TNRC6C: variants seen among roughly 807,000 people sequenced by gnomAD.
The protein encoded by TNRC6C is trinucleotide repeat containing adaptor 6C, also known as trinucleotide repeat-containing gene 6C protein.
TNRC6C carries 20 observed loss-of-function variants against 153.7 expected under a neutral mutation model. The observed-to-expected ratio is 0.13, with a 90% CI of 0.09 to 0.19. TNRC6C has a LOEUF of 0.19. TNRC6C is among the 10% of genes least tolerant of loss of function. The probability of loss-of-function intolerance (pLI) is 1.00; values close to 1 mark genes in which losing one functional copy is unlikely to be tolerated. For missense variants in TNRC6C, 1,987 were observed against 2,172.0 expected (o/e 0.91, Z 1.69); for synonymous variants, 811 against 841.4 (o/e 0.96, Z 0.63).
intron 2 of TNRC6C, 42 bp downstream of exon 4, chr17:78,031,884 CTT>C (rs2072082409): frequency 8.1e-7 from 1 of 1,231,418 alleles, no homozygotes; most frequent in Non-Finnish European, 1.0e-6. Flanking sequence ...GATCTGAAAA[CTT>C]TGCTATTTTC....
intron 5 of TNRC6C, among the ~76,000 whole-genome samples, chr17:78,068,155 G>C (rs1371895666): frequency 6.6e-6 from 1 of 152,194 alleles, no homozygotes; most frequent in South Asian, 2.1e-4. Context: ...TAGGGTAGAG[G>C]TGTCCAGAGA....
At chr17:78,054,417 C>T (rs1598738558) in intron 3 of TNRC6C, among the ~76,000 whole-genome samples, 2 of 151,762 alleles carry the variant, frequency 1.3e-5, no homozygotes, top group African/African-American at 4.9e-5. Flanking sequence ...CACTACTATA[C>T]ACCACTGCAG....
At chr17:77,969,140 A>G (rs2070921487) in intron 1 of TNRC6C, among the ~76,000 whole-genome samples, 1 of 152,192 alleles carries the variant, frequency 6.6e-6, no homozygotes, top group Non-Finnish European at 1.5e-5. Flanking sequence ...AGAGGAGAAC[A>G]CTGAGGCACT....
rs1452855731 is a variant in TNRC6C at position 78,091,611 on chromosome 17, C to T, written c.3970+4C>T. The T allele has an allele frequency of 5.2e-6, 8 of 1,524,702 alleles. No homozygotes were observed. The highest frequency in any genetic ancestry group is 7.1e-6 in the Non-Finnish European group (8 of 1,133,868). The allele number at this position is 1,524,702 out of a possible 1,614,324, so 94.4% of individuals were successfully genotyped here. A position where few individuals can be genotyped will look rare whatever the true frequency, so the allele number is the denominator to read the frequency against. ...GAGCAGAACCCTAGCAAGCATGGTA[C>T]GTCTGAGCTAGGATGCCTGTGGTGG... On this transcript the variant is annotated splice_donor_region_variant and intron_variant, in intron 14 of 19. Transcript: ENST00000301624.
At chr17:78,006,392 A>C (rs1452321041) in intron 1 of TNRC6C, among the ~76,000 whole-genome samples, 1 of 152,210 alleles carries the variant, frequency 6.6e-6, no homozygotes, top group Non-Finnish European at 1.5e-5. Flanking sequence ...GTTGTGTATG[A>C]ATTTATGATC....
Position 78,086,601 on chromosome 17 carries a change from G to C in TNRC6C, c.3561+15G>C. ...AGGAGCAGCAAGTAGGTGCTACCCA[G>C]ATTGATTTTTGTCATGAGCTATAAT... On this transcript the variant is annotated intron_variant, in intron 12 of 19. Transcript: ENST00000301624. The C allele has an allele frequency of 6.2e-7, 1 of 1,612,322 alleles. No homozygotes were observed. The highest frequency in any genetic ancestry group is 8.5e-7 in the Non-Finnish European group (1 of 1,178,752).
chr17:78,079,103 G>C lies in TNRC6C; in HGVS notation c.3211-292G>C, dbSNP rs1442904344. ...AAAACTCCATCTAAAAAAAAAAAAA[G>C]CCAGGCATAGTGGCGGGGGTCTGTA... On this transcript the variant is annotated intron_variant, in intron 9 of 19. Transcript: ENST00000301624. The surrounding 1 kb of genome is among the most constrained non-coding windows in gnomAD (Gnocchi z 4.3). Among the ~76,000 whole-genome samples the C allele has an allele frequency of 6.7e-6, 1 of 149,580 alleles. No individual in the cohort carries two copies. Among genetic ancestry groups the C allele is most frequent in the Non-Finnish European group, 1.5e-5 (1 of 67,400 alleles).
chr17:78,089,388 A>G (rs953585978), intron 13 of TNRC6C, among the ~76,000 whole-genome samples: 4 of 152,260 alleles, frequency 2.6e-5, no homozygotes, highest in Admixed American at 6.5e-5. Context: ...CAGTAAAGTT[A>G]TAAATGTATT....
intron 1 of TNRC6C, among the ~76,000 whole-genome samples, chr17:77,963,057 A>G (rs1166051516): frequency 6.6e-6 from 1 of 152,256 alleles, no homozygotes; most frequent in Non-Finnish European, 1.5e-5. Flanking sequence ...TTTTTAAATA[A>G]TTGTGTGGTC....
At chr17:78,086,327 CTAAAAAAAAAAAAAAA>C (rs1211129249) in intron 11 of TNRC6C, among the ~76,000 whole-genome samples, 160 bp from the exon 14 acceptor site, 7 of 49,540 alleles carry the variant, frequency 1.4e-4, no homozygotes, top group African/African-American at 5.8e-4. Flanking sequence ...GAGACTCCAT[CTAAAAAAAAAAAAAAA>C]AAAAAAAAAA....
intron 11 of TNRC6C, among the ~76,000 whole-genome samples, chr17:78,085,613 A>G (rs1481868016): frequency 6.6e-6 from 1 of 152,332 alleles, no homozygotes; most frequent in Non-Finnish European, 1.5e-5. Context: ...GAAGAATATC[A>G]TCATAACTTT....
At chr17:78,015,725 A>G (rs1388556944) in intron 1 of TNRC6C, among the ~76,000 whole-genome samples, 1 of 152,204 alleles carries the variant, frequency 6.6e-6, no homozygotes, top group African/African-American at 2.4e-5. Context: ...CAGCCTGGCC[A>G]AGATGGCAGA....
exon 3 of TNRC6C, chr17:78,051,201 C>T (rs370306183): frequency 2.8e-5 from 44 of 1,572,554 alleles, no homozygotes; most frequent in Non-Finnish European, 3.7e-5. Context: ...GGGAAGAACC[C>T]TCTCCACCGT....
At chr17:77,969,278 A>T (rs2070922629) in intron 1 of TNRC6C, among the ~76,000 whole-genome samples, 1 of 151,488 alleles carries the variant, frequency 6.6e-6, no homozygotes, top group South Asian at 2.1e-4. Context: ...TTTGAGGCAG[A>T]GTCTCGCTGT....
chr17:78,046,729 C>T (rs911620178), intron 2 of TNRC6C, among the ~76,000 whole-genome samples: 5 of 152,130 alleles, frequency 3.3e-5, no homozygotes, highest in Admixed American at 1.3e-4. Flanking sequence ...TTTCCTAATT[C>T]GCTCTTTACT....
intron 1 of TNRC6C, 82 bp from the exon 4 acceptor site, chr17:78,031,434 G>A (rs1221360166): frequency 1.9e-6 from 2 of 1,040,042 alleles, no homozygotes; most frequent in Admixed American, 8.5e-5. Flanking sequence ...CTCAGTTTTT[G>A]GTTATGGTTT....
intron 1 of TNRC6C, among the ~76,000 whole-genome samples, chr17:77,980,016 C>T (rs1364450132): frequency 4.8e-5 from 5 of 103,188 alleles, no homozygotes; most frequent in Non-Finnish European, 8.5e-5. Flanking sequence ...TTCAGACAGA[C>T]AAAAATTAGA....
At chr17:78,071,061 C>G in intron 5 of TNRC6C, 24 bp from the exon 8 acceptor site, 1 of 1,582,134 alleles carries the variant, frequency 6.3e-7, no homozygotes, top group Non-Finnish European at 8.6e-7. Flanking sequence ...CATGGACTTC[C>G]CCCTTTCCCA....
Position 78,091,574 on chromosome 17 carries a change from G to A in TNRC6C, c.3937G>A (p.Ala1313Thr), listed in dbSNP as rs749625453. Residue 1313 changes from alanine (A) to threonine (T), a missense_variant, in exon 14 of 20, where the codon GCT becomes ACT. Transcript: ENST00000301624. ...CTCCATGGATAACTTGCCCAGTGCC[G>A]CTTCCCCCCTGGAGCAGAACCCTAG... The A allele has an allele frequency of 1.6e-5, 26 of 1,581,344 alleles. No individual in the cohort carries two copies. The highest frequency in any genetic ancestry group is 7.0e-5 in the East Asian group (3 of 42,660).
Sources: gnomAD v4.1 joint callset for allele counts (sites outside exome capture counted in the v4.1 genomes callset) on GRCh38, gnomAD v4.1.1 for gene constraint, Gnocchi (gnomAD v3.1) non-coding constraint, MANE v1.5 for transcripts, NCBI Gene and HGNC (gene_info 2026-07-23, HGNC 2026-07-21) for gene names.